The following RIMBP2 variants were observed in gnomAD, a reference collection of about 807,000 sequenced individuals.
RIMBP2 encodes the protein RIMS-binding protein 2.
In RIMBP2, 48 loss-of-function variants were observed where a neutral mutation model predicts 118.6. The observed-to-expected ratio is 0.40, with a 90% CI of 0.32 to 0.51. The LOEUF is 0.51. Ranked by LOEUF, RIMBP2 falls within the 20% of genes least tolerant of loss-of-function variation. The pLI is 0.41. For synonymous variants in RIMBP2, 762 were observed against 742.9 expected, an observed-to-expected ratio of 1.03 and a Z score of -0.42; for missense variants, 1,551 against 1,768.3, an observed-to-expected ratio of 0.88 and a Z score of 2.20.
chr12:130,606,170 G>GT (rs1385551856), intron 2 of RIMBP2, among the ~76,000 whole-genome samples: 1 of 152,034 alleles, frequency 6.6e-6, no homozygotes, highest in African/African-American at 2.4e-5. Context: ...AGTAAATATG[G>GT]TAAAAAATAA....
rs2061259335 is a variant in RIMBP2 at position 130,620,781 on chromosome 12, T to C, written c.-217+7541A>G. The stretch of plus-strand genomic sequence containing the variant: ...CCTTGCTTTAAGTTGGTCACCTCTA[T>C]AAAGACCTCGTCTCCAAGTAAGATC... On this transcript the variant is annotated intron_variant, in intron 2 of 22. Coordinates refer to ENST00000690449, the MANE Select transcript of RIMBP2 (RefSeq NM_001393629.1). The surrounding 1 kb of genome is among the most constrained non-coding windows in gnomAD (Gnocchi z 5.3). Among the ~76,000 whole-genome samples the C allele has an allele frequency of 6.6e-6, 1 of 152,190 alleles. No homozygotes were observed. The highest frequency in any genetic ancestry group is 2.4e-5 in the African/African-American group (1 of 41,456).
intron 12 of RIMBP2, 30 bp downstream of exon 12, chr12:130,438,335 A>ACGGGGG: frequency 3.5e-6 from 3 of 865,008 alleles, no homozygotes; most frequent in African/African-American, 1.7e-5. Flanking sequence ...GGCCTAACAA[A>ACGGGGG]CCCTCCCCAC....
chr12:130,586,075 G>A (rs2058862778), intron 2 of RIMBP2, among the ~76,000 whole-genome samples: 1 of 152,216 alleles, frequency 6.6e-6, no homozygotes, highest in Admixed American at 6.5e-5. Flanking sequence ...GGCACTTTCT[G>A]TGATTAACCA....
rs891350279 is a variant in RIMBP2 at position 130,527,480 on chromosome 12, C to T, written c.-216-9563G>A. 2.2e-5 allele frequency among the ~76,000 whole-genome samples: 3 copies of T among 134,768 alleles called. No individual in the cohort carries two copies. The Admixed American group carries it at 2.4e-4, about 11-fold the overall frequency. 88.4% of individuals were successfully genotyped at this position (134,768 alleles called of 152,430 possible). ...CCAATAATGCAATTGCAGGGAAGCA[C>T]ATGGTGCTATTTAAAAACTGTGTTC... On this transcript the variant is annotated intron_variant, in intron 2 of 22. Coordinates refer to ENST00000690449, the MANE Select transcript of RIMBP2 (RefSeq NM_001393629.1).
At chr12:130,630,183 CTA>C (rs2061909280) in intron 1 of RIMBP2, among the ~76,000 whole-genome samples, 1 of 151,888 alleles carries the variant, frequency 6.6e-6, no homozygotes, top group East Asian at 1.9e-4. Flanking sequence ...TAAAAAGAGA[CTA>C]TCAATCCAGG....
rs955845500 is a variant in RIMBP2 at position 130,581,730 on chromosome 12, G to A, written c.-217+46592C>T. On this transcript the variant is annotated intron_variant, in intron 2 of 22. Coordinates refer to ENST00000690449, the MANE Select transcript of RIMBP2 (RefSeq NM_001393629.1). The surrounding 1 kb of genome is among the most constrained non-coding windows in gnomAD (Gnocchi z 4.4). ...CTGGCCTGAGTCATCACCATTCCTC[G>A]CCGGGTTATGAGAATGGCCTCTCAA... is the stretch of plus-strand genomic sequence containing the variant. Among the ~76,000 whole-genome samples the A allele has an allele frequency of 2.6e-5, 4 of 152,124 alleles. No homozygotes were observed. Among genetic ancestry groups the A allele is most frequent in the Admixed American group, 1.3e-4 (2 of 15,270 alleles).
intron 4 of RIMBP2, among the ~76,000 whole-genome samples, chr12:130,485,206 G>C (rs1460270182): frequency 6.6e-6 from 1 of 152,250 alleles, no homozygotes; most frequent in Non-Finnish European, 1.5e-5. Context: ...TGAGAAATCG[G>C]AATGTGGCTG....
At chr12:130,399,877 G>A in intron 21 of RIMBP2, 64 bp from the exon 22 acceptor site, 2 of 1,572,506 alleles carry the variant, frequency 1.3e-6, no homozygotes, top group Non-Finnish European at 1.7e-6. Context: ...TCTTGCTTTG[G>A]CTAAAGGAAT....
intron 3 of RIMBP2, among the ~76,000 whole-genome samples, chr12:130,516,336 A>G (rs1434766679): frequency 6.6e-6 from 1 of 152,260 alleles, no homozygotes; most frequent in East Asian, 1.9e-4. Flanking sequence ...ATCATTCAAT[A>G]GATGTTGACT....
At chr12:130,473,060 T>C (rs2081138144) in intron 5 of RIMBP2, among the ~76,000 whole-genome samples, 1 of 152,108 alleles carries the variant, frequency 6.6e-6, no homozygotes, top group South Asian at 2.1e-4. Context: ...CTGGCAGGAT[T>C]GAAAAAAAAG....
intron 2 of RIMBP2, among the ~76,000 whole-genome samples, chr12:130,599,323 A>T (rs578077556): frequency 6.6e-6 from 1 of 152,362 alleles, no homozygotes; most frequent in East Asian, 1.9e-4. Context: ...AGAGAATGAC[A>T]ATAAAAGCAA....
chr12:130,614,849 A>T (rs2060800531), intron 2 of RIMBP2, among the ~76,000 whole-genome samples: 1 of 150,124 alleles, frequency 6.7e-6, no homozygotes, highest in Admixed American at 6.7e-5. Flanking sequence ...TATATATATA[A>T]AATACAGATA....
At chr12:130,495,882 C>T (rs1301155103) in intron 4 of RIMBP2, among the ~76,000 whole-genome samples, 1 of 152,178 alleles carries the variant, frequency 6.6e-6, no homozygotes, top group Non-Finnish European at 1.5e-5. Context: ...CTTGATCACA[C>T]GTAAACAACT....
intron 1 of RIMBP2, among the ~76,000 whole-genome samples, chr12:130,656,922 C>T (rs543716224): frequency 1.0e-3 from 153 of 152,054 alleles, no homozygotes; most frequent in Non-Finnish European, 1.7e-3. Flanking sequence ...AAAATTAAAA[C>T]GGTCTCACTC....
Position 130,438,467 on chromosome 12 carries a change from G to A in RIMBP2, c.1554C>T (p.Pro518=), listed in dbSNP as rs144010117. ...QDVTVQAGVT[P]ATIRVSWRPP... is the part of the protein sequence containing the mutation. ...GTCTCCAGGAGACCCGGATGGTGGCGGGGGTCACCCCAGCCTGGACGGTAA... is the reference window on the plus strand; with the variant it reads ...GTCTCCAGGAGACCCGGATGGTGGCAGGGGTCACCCCAGCCTGGACGGTAA... Residue 518 remains proline (P), a synonymous_variant, in exon 12 of 23, where the codon CCC becomes CCT. Coordinates refer to ENST00000690449, the MANE Select transcript of RIMBP2 (RefSeq NM_001393629.1). 1.7e-5 allele frequency: 27 copies of A among 1,612,624 alleles called. No individual in the cohort carries two copies. The highest frequency in any genetic ancestry group is 5.0e-5 in the Admixed American group (3 of 59,916).
chr12:130,480,749 C>T (rs890984329), intron 4 of RIMBP2, among the ~76,000 whole-genome samples: 2 of 152,112 alleles, frequency 1.3e-5, no homozygotes, highest in African/African-American at 2.4e-5. Flanking sequence ...TACAGGTGCC[C>T]ACCACCATGC....
At chr12:130,563,696 C>A (rs1395950039) in intron 2 of RIMBP2, among the ~76,000 whole-genome samples, 2 of 152,160 alleles carry the variant, frequency 1.3e-5, no homozygotes, top group African/African-American at 4.8e-5. Context: ...CCATTTCAAG[C>A]CAGTAGTCAA....
intron 2 of RIMBP2, among the ~76,000 whole-genome samples, chr12:130,615,494 A>G (rs113750255): frequency 0.015 from 2,243 of 151,688 alleles, 55 homozygotes; most frequent in African/African-American, 0.052. Context: ...TGTTTTCAGT[A>G]GAGACGGGTT....
chr12:130,436,161 C>T (rs982295687), intron 13 of RIMBP2, among the ~76,000 whole-genome samples: 1 of 152,186 alleles, frequency 6.6e-6, no homozygotes, highest in Admixed American at 6.5e-5. Flanking sequence ...TAGCCCTGCA[C>T]GGGGGGCATT....
Sources: allele counts gnomAD v4.1 joint callset (sites outside exome capture counted in the v4.1 genomes callset), GRCh38; gene constraint gnomAD v4.1.1; non-coding constraint Gnocchi (gnomAD v3.1); transcripts MANE v1.5; gene names NCBI Gene and HGNC (gene_info 2026-07-23, HGNC 2026-07-21).